Variants in THAP12 observed in about 807,000 individuals in gnomAD.
THAP12 encodes 52 kDa repressor of the inhibitor of the protein kinase.
THAP12 carries 20 observed loss-of-function variants against 63.0 expected under a neutral mutation model. That is an observed-to-expected ratio of 0.32 (90% CI 0.22 to 0.46). The LOEUF (loss-of-function observed/expected upper bound fraction) is 0.46, where lower values mean the gene tolerates loss of function less well. Ranked by LOEUF, THAP12 falls within the 20% of genes least tolerant of loss-of-function variation. The pLI is 1.00. For synonymous variants in THAP12, 264 were observed against 328.4 expected, an observed-to-expected ratio of 0.80 and a Z score of 2.12; for missense variants, 568 against 908.2, an observed-to-expected ratio of 0.63 and a Z score of 4.81.
chr11:76,351,312 C>A lies in THAP12; in HGVS notation c.1838G>T (p.Gly613Val). Residue 613 changes from glycine (G) to valine (V), a missense_variant, in exon 5 of 5, where the codon GGA (glycine) becomes GTA (valine). By Grantham distance (109) the Gly-to-Val change is moderately radical. Transcript: ENST00000260045. Reference sequence around the variant, plus strand: ...CTCCGACGTATTGAATTTGAGTTGTCCCATGACTGAGGGTACCAGAGATAA... The same window carrying A: ...CTCCGACGTATTGAATTTGAGTTGTACCATGACTGAGGGTACCAGAGATAA... The part of the protein sequence containing the change: ...KCLSLVPSVM[G>V]QLKFNTSEEH... The A allele has an allele frequency of 6.3e-7, 1 of 1,587,026 alleles. No individual in the cohort carries two copies. The highest frequency in any genetic ancestry group is 1.1e-5 in the South Asian group (1 of 88,880).
At chr11:76,366,376 C>T (rs913582234) in intron 1 of THAP12, among the ~76,000 whole-genome samples, 6 of 152,140 alleles carry the variant, frequency 3.9e-5, no homozygotes, top group South Asian at 2.1e-4. Context: ...CAAAACAACA[C>T]TGTCACTGTA....
chr11:76,365,976 T>C lies in THAP12; in HGVS notation c.90-4A>G. On this transcript the variant is annotated splice_polypyrimidine_tract_variant and splice_region_variant and intron_variant, in intron 1 of 4. Coordinates refer to ENST00000260045, the MANE Select transcript of THAP12 (RefSeq NM_004705.4). The stretch of plus-strand genomic sequence containing the variant: ...GTTCTCCACCCACTTCTGGCATCTA[T>C]AAATAAAACCAAAATACAATTATGA... 1 of 1,609,384 alleles carries C rather than the reference T, an allele frequency of 6.2e-7. No homozygotes were observed. The highest frequency in any genetic ancestry group is 8.5e-7 in the Non-Finnish European group (1 of 1,178,846).
At chr11:76,355,014 T>C (rs977798881) in intron 4 of THAP12, among the ~76,000 whole-genome samples, 2 of 152,196 alleles carry the variant, frequency 1.3e-5, no homozygotes, top group African/African-American at 4.8e-5. Flanking sequence ...GTAAAGCACT[T>C]AGAACAATGA....
intron 2 of THAP12, among the ~76,000 whole-genome samples, chr11:76,365,540 C>T (rs1472865606): frequency 6.6e-6 from 1 of 152,058 alleles, no homozygotes; most frequent in Non-Finnish European, 1.5e-5. Context: ...TACGTCACCA[C>T]ACCTCGCTAG....
chr11:76,367,321 C>A (rs1432585350), intron 1 of THAP12, among the ~76,000 whole-genome samples: 1 of 152,218 alleles, frequency 6.6e-6, no homozygotes, highest in East Asian at 1.9e-4. Flanking sequence ...GGTGATCTGC[C>A]CGCCTCGGCC....
chr11:76,367,701 G>A (rs1415822092), intron 1 of THAP12, among the ~76,000 whole-genome samples: 2 of 152,136 alleles, frequency 1.3e-5, no homozygotes, highest in Non-Finnish European at 2.9e-5. Context: ...AGGATTACAG[G>A]CGCGAGCCAC....
chr11:76,367,077 TTTTC>T (rs1946636284), intron 1 of THAP12, among the ~76,000 whole-genome samples: 2 of 147,786 alleles, frequency 1.4e-5, no homozygotes, highest in East Asian at 2.0e-4. Flanking sequence ...ATTTCTTTTC[TTTTC>T]TTTTTTTTTT....
At chr11:76,379,973 C>T (rs1204486485) in intron 1 of THAP12, among the ~76,000 whole-genome samples, 1 of 152,242 alleles carries the variant, frequency 6.6e-6, no homozygotes, top group Non-Finnish European at 1.5e-5. Flanking sequence ...CACCCATGAA[C>T]TCCCAGCACC....
intron 1 of THAP12, among the ~76,000 whole-genome samples, chr11:76,370,656 C>T (rs571954825): frequency 5.9e-5 from 9 of 152,010 alleles, no homozygotes; most frequent in Admixed American, 2.0e-4. Flanking sequence ...AGCCACCGCA[C>T]GTAGCTCTTC....
intron 1 of THAP12, among the ~76,000 whole-genome samples, chr11:76,368,055 A>T (rs1383092409): frequency 6.6e-6 from 1 of 152,230 alleles, no homozygotes; most frequent in Admixed American, 6.5e-5. Flanking sequence ...ATAATTTGCC[A>T]TACTGCTACA....
chr11:76,370,843 A>ATAT (rs1433930243), intron 1 of THAP12, among the ~76,000 whole-genome samples: 3,275 of 141,494 alleles, frequency 0.023, 120 homozygotes, highest in Admixed American at 0.097. Flanking sequence ...AAAAAAAAAA[A>ATAT]ATATATATAT....
rs144064200 is a variant in THAP12, at chr11:76,365,777, T to C, written c.210+75A>G. ...ATACCTTCCAACATTGGTAAATACT[T>C]ACATTTCCAACCAGACACAGTGAGA... On this transcript the variant is annotated intron_variant, in intron 2 of 4. Coordinates refer to ENST00000260045, the MANE Select transcript of THAP12 (RefSeq NM_004705.4). The C allele has an allele frequency of 2.3e-4, 343 of 1,509,356 alleles. 3 individuals are homozygous for C. The African/African-American group carries it at 4.2e-3, about 18-fold the overall frequency. 93.5% of individuals were successfully genotyped at this position (1,509,356 alleles called of 1,614,324 possible).
chr11:76,364,077 T>A (rs986848434), intron 2 of THAP12, among the ~76,000 whole-genome samples: 1 of 152,254 alleles, frequency 6.6e-6, no homozygotes, highest in Non-Finnish European at 1.5e-5. Context: ...AACTATCCTT[T>A]AAATTTCTCA....
intron 1 of THAP12, among the ~76,000 whole-genome samples, chr11:76,375,679 T>A (rs1489608801): frequency 7.1e-6 from 1 of 141,532 alleles, no homozygotes; most frequent in African/African-American, 2.6e-5. Flanking sequence ...AATGTTAGCA[T>A]TTGAAGACTA....
chr11:76,369,738 C>A (rs369629039), intron 1 of THAP12, among the ~76,000 whole-genome samples: 1 of 152,254 alleles, frequency 6.6e-6, no homozygotes, highest in Non-Finnish European at 1.5e-5. Context: ...TCGGACACTA[C>A]GTCTCTAACG....
intron 1 of THAP12, among the ~76,000 whole-genome samples, chr11:76,372,006 T>A (rs534692257): frequency 1.3e-5 from 2 of 151,932 alleles, no homozygotes; most frequent in African/African-American, 4.8e-5. Flanking sequence ...AGAGATGGGG[T>A]TTCGCTATGT....
chr11:76,375,901 G>A (rs1946706570), intron 1 of THAP12, among the ~76,000 whole-genome samples: 1 of 152,182 alleles, frequency 6.6e-6, no homozygotes, highest in East Asian at 1.9e-4. Flanking sequence ...AGTACGAGGA[G>A]GTTTGATTTG....
chr11:76,359,771 G>C (rs1946585336), intron 3 of THAP12, among the ~76,000 whole-genome samples: 1 of 151,226 alleles, frequency 6.6e-6, no homozygotes, highest in Admixed American at 6.6e-5. Flanking sequence ...AGGTTGCAGT[G>C]AGCCAAGATC....
intron 1 of THAP12, among the ~76,000 whole-genome samples, chr11:76,369,546 G>A (rs1946655824): frequency 6.6e-6 from 1 of 152,382 alleles, no homozygotes; most frequent in African/African-American, 2.4e-5. Flanking sequence ...CGGGAACTTG[G>A]TTGGTAAACA....
Sources: gnomAD v4.1 joint callset for allele counts (sites outside exome capture counted in the v4.1 genomes callset) on GRCh38, gnomAD v4.1.1 for gene constraint, MANE v1.5 for transcripts, NCBI Gene and HGNC (gene_info 2026-07-23, HGNC 2026-07-21) for gene names.